Variants in CD36 observed in about 807,000 individuals in gnomAD.
CD36 encodes the protein CD36 molecule (CD36 blood group).
Under a neutral mutation model 55.2 loss-of-function variants are expected in CD36, and 119 were observed. The ratio of observed to expected loss-of-function variants is 2.15; its 90% CI spans 1.86 to 2.51. The LOEUF (loss-of-function observed/expected upper bound fraction) is 2.51, where lower values mean the gene tolerates loss of function less well. Among genes scored for constraint, CD36 ranks in the 30% most tolerant of loss-of-function variants. The pLI, the probability that CD36 is intolerant of heterozygous loss-of-function variation, is 0.00. For synonymous variants in CD36, 186 were observed against 193.6 expected (o/e 0.96, Z 0.33); for missense variants, 819 against 555.5 (o/e 1.47, Z -4.77).
intron 8 of CD36, among the ~76,000 whole-genome samples, chr7:80,667,498 CT>C (rs1797206370): frequency 6.7e-6 from 1 of 149,070 alleles, no homozygotes; most frequent in Non-Finnish European, 1.5e-5. Context: ...CAGAGGCAAG[CT>C]TTCAACTACT....
intron 7 of CD36, 115 bp downstream of exon 7, chr7:80,664,612 T>A (rs1796863114): frequency 1.4e-6 from 1 of 731,810 alleles, no homozygotes; most frequent in African/African-American, 1.7e-5. Context: ...GACCTGGTTA[T>A]AATTCAGCTC....
chr7:80,665,675 TA>T (rs1429949704), intron 7 of CD36, among the ~76,000 whole-genome samples: 1 of 152,112 alleles, frequency 6.6e-6, no homozygotes, highest in Non-Finnish European at 1.5e-5. Context: ...CACATCATTT[TA>T]AGATTGTAAG....
rs997522109 is a variant in CD36, at chr7:80,678,496, A to T, written c.*2113A>T. The T allele has an allele frequency of 6.6e-6, 1 of 152,178 alleles. No individual in the cohort carries two copies. The highest frequency in any genetic ancestry group is 1.5e-5 in the Non-Finnish European group (1 of 68,028). 9.4% of individuals were successfully genotyped at this position (152,178 alleles called of 1,614,324 possible). On this transcript the variant is annotated 3_prime_UTR_variant, in exon 15 of 15. Coordinates refer to ENST00000447544, the MANE Select transcript of CD36 (RefSeq NM_001001548.3). ...CTTTCAGTTCTGACAGAAAAGGGTG[A>T]AGGAGGGTATCATTTCAAGAAAAAA...
At chr7:80,611,495 G>A (rs993019844) in intron 1 of CD36, among the ~76,000 whole-genome samples, 2 of 152,184 alleles carry the variant, frequency 1.3e-5, no homozygotes, top group Non-Finnish European at 2.9e-5. Flanking sequence ...TAGGAGCCAA[G>A]TTTCTTAGAT....
At chr7:80,668,342 G>C (rs1031623932) in intron 8 of CD36, among the ~76,000 whole-genome samples, 2 of 152,202 alleles carry the variant, frequency 1.3e-5, no homozygotes, top group African/African-American at 4.8e-5. Flanking sequence ...ACTAGGAAAA[G>C]AGGGAATTTG....
rs765667449 is a variant in CD36 at position 80,656,613 on chromosome 7, T to G, written c.194T>G (p.Phe65Cys). 1.2e-6 allele frequency: 2 copies of G among 1,613,750 alleles called. No individual in the cohort carries two copies. The highest frequency in any genetic ancestry group is 2.7e-5 in the African/African-American group (2 of 74,912). ...ACAGGCACAGAAGTTTACAGACAGT[T>G]TTGGATCTTTGATGTGCAAAATCCA... The part of the protein sequence containing the change: ...VKTGTEVYRQ[F>C]WIFDVQNPQE... The change falls in exon 4 of 15, where the codon TTT becomes TGT. Residue 65 changes from phenylalanine to cysteine, a missense_variant. Transcript: ENST00000447544.
intron 4 of CD36, among the ~76,000 whole-genome samples, chr7:80,659,160 GA>G (rs1345278968): frequency 6.6e-6 from 1 of 151,836 alleles, no homozygotes; most frequent in East Asian, 1.9e-4. Flanking sequence ...GTACCTTTTA[GA>G]AAAAAAATTA....
chr7:80,656,069 C>T (rs1796032380), intron 3 of CD36, among the ~76,000 whole-genome samples: 1 of 152,008 alleles, frequency 6.6e-6, no homozygotes, highest in African/African-American at 2.4e-5. Flanking sequence ...TCTGAAGTGT[C>T]CAACTCTTGA....
intron 1 of CD36, among the ~76,000 whole-genome samples, chr7:80,629,735 T>G (rs1312127876): frequency 1.3e-5 from 2 of 152,076 alleles, no homozygotes; most frequent in Admixed American, 1.3e-4. Context: ...GGCTCAATTT[T>G]GTCAGATTTA....
At position 80,673,364 on chromosome 7, in the gene CD36, G is replaced by C. The variant is rs777565473; in HGVS notation, c.1209G>C (p.Lys403Asn). 5 of 1,488,030 alleles carry C rather than the reference G, an allele frequency of 3.4e-6. No individual in the cohort carries two copies. The South Asian group carries it at 3.4e-5, about 10-fold the overall frequency. The allele number at this position is 1,488,030 out of a possible 1,614,324, so 92.2% of individuals were successfully genotyped here. ...TCAACGTATATTACAGAGTATTAAA[G>C]AATCTGAAGAGGAACTATATTGTGC... The part of the protein sequence containing the change: ...VKPSEKIQVL[K>N]NLKRNYIVPI... Residue 403 changes from lysine to asparagine, a missense_variant, in exon 13 of 15, where the codon AAG (lysine) becomes AAC (asparagine). By Grantham distance (94) the Lys-to-Asn change is moderately conservative. Transcript: ENST00000447544.
In CD36 at chr7:80,674,002, A is replaced by AGAAGGCAAACATGTTCAG. The variant is rs767481025; in HGVS notation, c.1275_1292dup (p.Lys426_Arg431dup). The AGAAGGCAAACATGTTCAG allele has an allele frequency of 1.2e-6, 2 of 1,612,050 alleles. No individual in the cohort carries two copies. The highest frequency in any genetic ancestry group is 2.7e-5 in the African/African-American group (2 of 74,850). On this transcript the variant is annotated inframe_insertion, in exon 14 of 15. Transcript: ENST00000447544. The stretch of plus-strand genomic sequence containing the variant: ...TTACAGACTGGGACCATTGGTGATG[A>AGAAGGCAAACATGTTCAG]GAAGGCAAACATGTTCAGAAGTCAA...
upstream of CD36, chr7:80,636,787 C>A (rs1004761976): frequency 6.6e-6 from 1 of 152,040 alleles, no homozygotes; most frequent in Non-Finnish European, 1.5e-5. Context: ...CTATATTTTT[C>A]TAAAAATCCA....
chr7:80,670,200 T>TGTA, intron 9 of CD36, 178 bp downstream of exon 9: 1 of 599,174 alleles, frequency 1.7e-6, no homozygotes, highest in Middle Eastern at 4.1e-4. Context: ...TTTTGCCATT[T>TGTA]CTATCTAAGC....
At chr7:80,658,129 A>AT (rs1440924467) in intron 4 of CD36, among the ~76,000 whole-genome samples, 1 of 152,182 alleles carries the variant, frequency 6.6e-6, no homozygotes, top group Non-Finnish European at 1.5e-5. Context: ...ACAATTCATA[A>AT]TTTTGTCAAT....
intron 1 of CD36, among the ~76,000 whole-genome samples, chr7:80,644,780 A>G (rs1301058291): frequency 6.6e-6 from 1 of 152,150 alleles, no homozygotes; most frequent in African/African-American, 2.4e-5. Context: ...TTTTGACTGT[A>G]GCCTTCATTC....
chr7:80,648,791 T>G (rs3211817), intron 3 of CD36, among the ~76,000 whole-genome samples: 14,821 of 152,018 alleles, frequency 0.097, 1,016 homozygotes, highest in East Asian at 0.33. Flanking sequence ...ATTCAGATTT[T>G]AAAGAAGTGT....
At chr7:80,657,122 A>G (rs1465959624) in intron 4 of CD36, among the ~76,000 whole-genome samples, 1 of 152,166 alleles carries the variant, frequency 6.6e-6, no homozygotes, top group Non-Finnish European at 1.5e-5. Context: ...AGTGGTTCTC[A>G]AAGTGTAGCT....
At chr7:80,606,413 A>G (rs1316961207) in intron 1 of CD36, among the ~76,000 whole-genome samples, 1 of 152,150 alleles carries the variant, frequency 6.6e-6, no homozygotes, top group African/African-American at 2.4e-5. Context: ...GAATTATGGG[A>G]TTTAATAGAG....
chr7:80,648,230 TC>T (rs1795319736), intron 3 of CD36, among the ~76,000 whole-genome samples: 1 of 152,164 alleles, frequency 6.6e-6, no homozygotes, highest in African/African-American at 2.4e-5. Flanking sequence ...TGATCTGACA[TC>T]CTTCCTACTC....
Sources: allele counts gnomAD v4.1 joint callset (sites outside exome capture counted in the v4.1 genomes callset), GRCh38; gene constraint gnomAD v4.1.1; transcripts MANE v1.5; gene names NCBI Gene and HGNC (gene_info 2026-07-23, HGNC 2026-07-21).